VPS13B: variants seen among roughly 807,000 people sequenced by gnomAD.
The protein encoded by VPS13B is vacuolar protein sorting 13 homolog B.
VPS13B carries 285 observed loss-of-function variants against 426.4 expected under a neutral mutation model. The ratio of observed to expected loss-of-function variants is 0.67; its 90% CI spans 0.61 to 0.74. The LOEUF (loss-of-function observed/expected upper bound fraction) is 0.74. VPS13B is among the 30% of genes least tolerant of loss of function. The pLI, the probability that VPS13B is intolerant of heterozygous loss-of-function variation, is 0.00. For synonymous variants in VPS13B, 1,676 were observed against 1,676.4 expected, an observed-to-expected ratio of 1.00 and a Z score of 0.01; for missense variants, 4,537 against 4,782.6, an observed-to-expected ratio of 0.95 and a Z score of 1.51.
intron 19 of VPS13B, among the ~76,000 whole-genome samples, chr8:99,382,444 C>T (rs1054254483): frequency 4.6e-5 from 7 of 152,070 alleles, no homozygotes; most frequent in East Asian, 1.9e-4. Context: ...GATATTGATT[C>T]GTCCTATCCA....
chr8:99,601,134 T>A (rs915463169), intron 33 of VPS13B, among the ~76,000 whole-genome samples: 1 of 151,956 alleles, frequency 6.6e-6, no homozygotes, highest in Admixed American at 6.6e-5. Flanking sequence ...TTTCTCCTAA[T>A]GCTATACCTC....
chr8:99,263,335 T>C (rs1472399351), intron 17 of VPS13B, among the ~76,000 whole-genome samples: 1 of 152,210 alleles, frequency 6.6e-6, no homozygotes, highest in Non-Finnish European at 1.5e-5. Context: ...ATTATCTGCA[T>C]AGTTACTATT....
intron 31 of VPS13B, among the ~76,000 whole-genome samples, chr8:99,570,368 T>C (rs1435073732): frequency 6.6e-6 from 1 of 152,170 alleles, no homozygotes; most frequent in Non-Finnish European, 1.5e-5. Context: ...GTTTTCCTTT[T>C]AAACTTTGCA....
intron 39 of VPS13B, among the ~76,000 whole-genome samples, chr8:99,747,002 T>C (rs1810124621): frequency 1.3e-5 from 2 of 152,136 alleles, no homozygotes; most frequent in Non-Finnish European, 2.9e-5. Context: ...TGAAAAACTG[T>C]ATCACAAAGC....
At chr8:99,702,996 T>A (rs1023661531) in intron 36 of VPS13B, among the ~76,000 whole-genome samples, 5 of 152,176 alleles carry the variant, frequency 3.3e-5, no homozygotes, top group Non-Finnish European at 7.4e-5. Context: ...AATGATTATA[T>A]GTTTTTATCA....
chr8:99,280,555 C>T (rs949532061), intron 19 of VPS13B, among the ~76,000 whole-genome samples: 1 of 152,166 alleles, frequency 6.6e-6, no homozygotes, highest in Non-Finnish European at 1.5e-5. Flanking sequence ...ACATTTATGA[C>T]AGATGTTCAA....
chr8:99,336,846 T>A (rs1810909445), intron 19 of VPS13B, among the ~76,000 whole-genome samples: 1 of 152,032 alleles, frequency 6.6e-6, no homozygotes, highest in African/African-American at 2.4e-5. Context: ...TGGCGATCAT[T>A]AAAAAGTCAG....
intron 13 of VPS13B, among the ~76,000 whole-genome samples, chr8:99,147,004 A>T (rs1810767654): frequency 6.6e-6 from 1 of 152,130 alleles, no homozygotes; most frequent in African/African-American, 2.4e-5. Flanking sequence ...TGTTCTGCCA[A>T]CCCCAGAGAT....
At chr8:99,799,170 T>C (rs1813005006) in intron 43 of VPS13B, 1 of 152,228 alleles carries the variant, frequency 6.6e-6, no homozygotes, top group Non-Finnish European at 1.5e-5. Flanking sequence ...CCACTGAGTG[T>C]CAGATGCATG....
intron 3 of VPS13B, among the ~76,000 whole-genome samples, chr8:99,095,468 T>G (rs1358774883): frequency 6.6e-6 from 1 of 152,208 alleles, no homozygotes; most frequent in Non-Finnish European, 1.5e-5. Flanking sequence ...TGGCCTGATC[T>G]TTCTAGTTCT....
At chr8:99,765,200 G>C (rs939773586) in intron 39 of VPS13B, among the ~76,000 whole-genome samples, 2 of 152,166 alleles carry the variant, frequency 1.3e-5, no homozygotes, top group African/African-American at 4.8e-5. Context: ...AGCTGAGATC[G>C]TACCACTTCA....
At chr8:99,410,194 C>G (rs941244761) in intron 21 of VPS13B, among the ~76,000 whole-genome samples, 4 of 152,118 alleles carry the variant, frequency 2.6e-5, no homozygotes, top group Admixed American at 2.0e-4. Flanking sequence ...TTTTATTACA[C>G]TTAATTGTTT....
intron 39 of VPS13B, among the ~76,000 whole-genome samples, chr8:99,740,881 A>G (rs532575418): frequency 0.064 from 9,689 of 151,884 alleles, 432 homozygotes; most frequent in African/African-American, 0.13. Flanking sequence ...GCCAAATTGT[A>G]AAGACCATCG....
intron 34 of VPS13B, among the ~76,000 whole-genome samples, chr8:99,647,591 G>T (rs1004352505): frequency 6.7e-6 from 1 of 148,318 alleles, no homozygotes. Context: ...AAAAAAAAAA[G>T]GTTTAATAAT....
chr8:99,843,932 T>C (rs926767839), intron 54 of VPS13B, among the ~76,000 whole-genome samples: 2 of 152,260 alleles, frequency 1.3e-5, no homozygotes, highest in African/African-American at 4.8e-5. Context: ...ACCATATTCA[T>C]GGTCCTTAAG....
chr8:99,174,971 T>C (rs542466487), intron 16 of VPS13B, among the ~76,000 whole-genome samples: 3 of 152,326 alleles, frequency 2.0e-5, no homozygotes, highest in Non-Finnish European at 4.4e-5. Context: ...TATTATTTTT[T>C]ATGTTTCAGT....
At chr8:99,571,838 C>G (rs1676773793) in intron 31 of VPS13B, among the ~76,000 whole-genome samples, 1 of 152,164 alleles carries the variant, frequency 6.6e-6, no homozygotes, top group Non-Finnish European at 1.5e-5. Context: ...CTCACCAGAT[C>G]TCTTAATTCT....
In VPS13B at chr8:99,155,805, T is replaced by C. The variant is rs577079474; in HGVS notation, c.2014-744T>C. Among the ~76,000 whole-genome samples the C allele has an allele frequency of 1.4e-4, 21 of 152,292 alleles. 1 individual carries two copies. The highest frequency in any genetic ancestry group is 1.2e-3 in the Admixed American group (18 of 15,290). On this transcript the variant is annotated intron_variant, in intron 14 of 61. Coordinates refer to ENST00000357162, the MANE Select transcript of VPS13B (RefSeq NM_152564.5). ...GACAAAGCAATGAAACTGCTCTTCT[T>C]GCATTTTGTCATATTCTTCTGGATG...
intron 25 of VPS13B, among the ~76,000 whole-genome samples, chr8:99,497,149 TATGTAATATAAAA>T (rs1457172042): frequency 2.9e-5 from 4 of 138,986 alleles, no homozygotes; most frequent in African/African-American, 1.1e-4. Context: ...TATATATATT[TATGTAATATAAAA>T]ATATATTTAT....
Sources: gnomAD v4.1 joint callset for allele counts (sites outside exome capture counted in the v4.1 genomes callset) on GRCh38, gnomAD v4.1.1 for gene constraint, MANE v1.5 for transcripts, NCBI Gene and HGNC (gene_info 2026-07-23, HGNC 2026-07-21) for gene names.